RANBP2: variants seen among roughly 807,000 people sequenced by gnomAD.
The protein encoded by RANBP2 is E3 SUMO-protein ligase RanBP2.
RANBP2 carries 57 observed loss-of-function variants against 303.6 expected under a neutral mutation model. The ratio of observed to expected loss-of-function variants is 0.19; its 90% confidence interval spans 0.15 to 0.23. The LOEUF (loss-of-function observed/expected upper bound fraction) is 0.23, where lower values mean the gene tolerates loss of function less well. Ranked by LOEUF, RANBP2 falls within the 10% of genes least tolerant of loss-of-function variation. The pLI is 1.00. For missense variants in RANBP2, 3,138 were observed against 3,780.8 expected, an observed-to-expected ratio of 0.83 and a Z score of 4.46; for synonymous variants, 1,167 against 1,301.5, an observed-to-expected ratio of 0.90 and a Z score of 2.23.
chr2:109,168,942 TC>T, the RANBP2 span, among the ~76,000 whole-genome samples: 1 of 152,212 alleles, frequency 6.6e-6, no homozygotes, highest in African/African-American at 2.4e-5. Context: ...CATCATCTTC[TC>T]GAGGGCTCAG....
chr2:109,103,998 G>A, the RANBP2 span, among the ~76,000 whole-genome samples: 1 of 151,948 alleles, frequency 6.6e-6, no homozygotes, highest in Non-Finnish European at 1.5e-5. Context: ...GTTTCACCAT[G>A]TTAGCCAGGA....
the RANBP2 span, among the ~76,000 whole-genome samples, chr2:109,136,697 C>T: frequency 6.6e-6 from 1 of 152,208 alleles, no homozygotes; most frequent in East Asian, 1.9e-4. Context: ...CTGATGCAAA[C>T]GAAGATATGA....
the RANBP2 span, among the ~76,000 whole-genome samples, chr2:109,422,600 C>T: frequency 6.7e-5 from 6 of 89,218 alleles, no homozygotes; most frequent in Non-Finnish European, 2.5e-5. Context: ...CCTTTCCACC[C>T]CCTGCTGTGT....
chr2:109,309,248 T>C, the RANBP2 span, among the ~76,000 whole-genome samples: 1 of 146,054 alleles, frequency 6.8e-6, no homozygotes, highest in African/African-American at 2.7e-5. Context: ...TGTATAAGAA[T>C]GCTTGTGATT....
chr2:109,501,695 C>T, the RANBP2 span: 3 of 740,204 alleles, frequency 4.1e-6, no homozygotes, highest in Middle Eastern at 6.9e-4. Flanking sequence ...CTGCACCCAG[C>T]TCACAGAGGG....
At chr2:109,078,198 G>GTGTATATATATAGCATATATATATAGCA in the RANBP2 span, among the ~76,000 whole-genome samples, 1 of 41,780 alleles carries the variant, frequency 2.4e-5, no homozygotes, top group East Asian at 4.2e-4. Flanking sequence ...TATATATAGC[G>GTGTATATATATAGCATATATATATAGCA]TATATATATA....
At chr2:109,241,414 TG>T in the RANBP2 span, among the ~76,000 whole-genome samples, 1 of 152,198 alleles carries the variant, frequency 6.6e-6, no homozygotes, top group Non-Finnish European at 1.5e-5. Flanking sequence ...ATAGATGCAT[TG>T]GGGGAAAAAA....
At chr2:108,963,316 G>T in the RANBP2 span, among the ~76,000 whole-genome samples, 1 of 152,210 alleles carries the variant, frequency 6.6e-6, no homozygotes, top group Admixed American at 6.5e-5. Context: ...TATGAGAAAA[G>T]AATTCAATTT....
the RANBP2 span, among the ~76,000 whole-genome samples, chr2:109,097,159 C>T: frequency 1.3e-5 from 2 of 152,092 alleles, no homozygotes; most frequent in African/African-American, 4.8e-5. Flanking sequence ...CAAAAATTAG[C>T]TGGGCGTGGT....
chr2:109,435,921 C>A, the RANBP2 span, among the ~76,000 whole-genome samples: 1 of 152,146 alleles, frequency 6.6e-6, no homozygotes, highest in East Asian at 1.9e-4. Flanking sequence ...AGGACACCAC[C>A]CAGGGTCCCC....
At chr2:108,788,581 G>A (rs1290095916), downstream of RANBP2, among the ~76,000 whole-genome samples, 3 of 150,110 alleles carry the variant, frequency 2.0e-5, no homozygotes, top group East Asian at 2.0e-4. Context: ...TTAGCCGGGT[G>A]TGGTGGCGGG....
chr2:109,496,775 G>A, the RANBP2 span, among the ~76,000 whole-genome samples: 3 of 109,050 alleles, frequency 2.8e-5, no homozygotes. Context: ...TACCATACAT[G>A]GCAAAGAGAA....
At chr2:109,094,513 GT>G in the RANBP2 span, among the ~76,000 whole-genome samples, 1 of 152,124 alleles carries the variant, frequency 6.6e-6, no homozygotes, top group African/African-American at 2.4e-5. Context: ...GTATTTATAT[GT>G]GTTGTGTGTG....
chr2:108,733,118 C>T (rs1695305863), intron 4 of RANBP2, among the ~76,000 whole-genome samples: 1 of 152,162 alleles, frequency 6.6e-6, no homozygotes, highest in South Asian at 2.1e-4. Flanking sequence ...GCCACTGCAC[C>T]CAGCCAAGCA....
the RANBP2 span, among the ~76,000 whole-genome samples, chr2:109,054,694 C>A: frequency 5.1e-3 from 708 of 138,596 alleles, no homozygotes; most frequent in Admixed American, 6.3e-3. Context: ...GAGACTCCGT[C>A]TCAAAAAAAA....
chr2:109,626,939 C>T, the RANBP2 span, among the ~76,000 whole-genome samples: 2 of 152,186 alleles, frequency 1.3e-5, no homozygotes, highest in South Asian at 2.1e-4. Context: ...GAGTGGGCTA[C>T]GGCTGGGTGG....
chr2:109,012,928 A>G, the RANBP2 span, among the ~76,000 whole-genome samples: 1 of 152,100 alleles, frequency 6.6e-6, no homozygotes, highest in Admixed American at 6.5e-5. Flanking sequence ...AACAACAACA[A>G]CAAAAAAAAC....
the RANBP2 span, chr2:109,614,221 C>G: frequency 2.2e-6 from 2 of 923,500 alleles, no homozygotes; most frequent in Non-Finnish European, 2.8e-6. Flanking sequence ...GGCCTTGAGG[C>G]GAGGCCGCCC....
At chr2:109,171,303 A>G in the RANBP2 span, among the ~76,000 whole-genome samples, 1 of 152,046 alleles carries the variant, frequency 6.6e-6, no homozygotes, top group Non-Finnish European at 1.5e-5. Flanking sequence ...TTTCCTTGTC[A>G]TATCTATTTC....
Sources: gnomAD v4.1 joint callset for allele counts (sites outside exome capture counted in the v4.1 genomes callset) on GRCh38, gnomAD v4.1.1 for gene constraint, MANE v1.5 for transcripts, NCBI Gene and HGNC (gene_info 2026-07-23, HGNC 2026-07-21) for gene names.